The following NOTCH2NLC variants were observed in gnomAD, a reference collection of about 807,000 sequenced individuals.
NOTCH2NLC encodes notch homolog 2 N-terminal-like protein C.
Under a neutral mutation model 17.7 loss-of-function variants are expected in NOTCH2NLC, and 4 were observed. That is an observed-to-expected ratio of 0.23 (90% CI 0.11 to 0.52). The LOEUF is 0.52. NOTCH2NLC is among the 20% of genes least tolerant of loss of function. The pLI, the probability that NOTCH2NLC is intolerant of heterozygous loss-of-function variation, is 0.96. For missense variants in NOTCH2NLC, 57 were observed against 207.2 expected (o/e 0.28, Z 4.45); for synonymous variants, 18 against 86.0 (o/e 0.21, Z 4.38).
chr1:149,468,846 C>G lies in NOTCH2NLC; in HGVS notation c.*4693C>G, dbSNP rs2084701085. ...ACAGGGGTCAGTGAGTTAATCTGGG[C>G]TCATTCAGAGAATGGAAGGTGTGTG... On this transcript the variant is annotated 3_prime_UTR_variant, in exon 5 of 5. Coordinates refer to ENST00000650865, the MANE Select transcript of NOTCH2NLC (RefSeq NM_001364013.2). 7.3e-6 allele frequency among the ~76,000 whole-genome samples: 1 copy of G among 136,396 alleles called. No individual in the cohort carries two copies. Among genetic ancestry groups the G allele is most frequent in the East Asian group, 2.4e-4 (1 of 4,096 alleles). The allele number at this position is 136,396 out of a possible 152,430, so 89.5% of individuals were successfully genotyped here.
At chr1:149,433,265 A>C (rs2101491103) in intron 2 of NOTCH2NLC, among the ~76,000 whole-genome samples, 4 of 118,598 alleles carry the variant, frequency 3.4e-5, no homozygotes, top group South Asian at 3.2e-4. Flanking sequence ...AACATCACAC[A>C]CTGGGGCCTG....
rs2084690696 is a variant in NOTCH2NLC, at chr1:149,467,368, C to A, written c.*3215C>A. The A allele has an allele frequency of 7.0e-6, 1 of 143,454 alleles. No homozygotes were observed. Among genetic ancestry groups the A allele is most frequent in the Admixed American group, 7.2e-5 (1 of 13,826 alleles). The allele number at this position is 143,454 out of a possible 1,614,324, so 8.9% of individuals were successfully genotyped here. Reference sequence around the variant, plus strand: ...TTCCCTGCAAAGGATACTGTAGTCACTGTGAGTATTTTAGTATTACTGTAG... The same window carrying A: ...TTCCCTGCAAAGGATACTGTAGTCAATGTGAGTATTTTAGTATTACTGTAG... On this transcript the variant is annotated 3_prime_UTR_variant, in exon 5 of 5. Transcript: ENST00000650865.
At chr1:149,398,976 GTTTA>G (rs1484330852) in intron 1 of NOTCH2NLC, among the ~76,000 whole-genome samples, 1 of 152,152 alleles carries the variant, frequency 6.6e-6, no homozygotes, top group Non-Finnish European at 1.5e-5. Context: ...TATTATATAT[GTTTA>G]TTCATATGAT....
intron 1 of NOTCH2NLC, among the ~76,000 whole-genome samples, chr1:149,408,532 A>G (rs1176296005): frequency 6.7e-6 from 1 of 149,970 alleles, no homozygotes; most frequent in African/African-American, 2.4e-5. Context: ...ATGTTTTGTT[A>G]TGGTAGTTTT....
intron 1 of NOTCH2NLC, among the ~76,000 whole-genome samples, chr1:149,392,987 G>A (rs1427683231): frequency 6.8e-6 from 1 of 146,444 alleles, no homozygotes; most frequent in African/African-American, 2.5e-5. Flanking sequence ...GGAGAATGGC[G>A]TGAACCCGGG....
rs1425432955 is a variant in NOTCH2NLC, at chr1:149,425,540, C to G, written c.136-5402C>G. 6.0e-4 allele frequency among the ~76,000 whole-genome samples: 90 copies of G among 150,636 alleles called. 4 individuals carry two copies. In the East Asian group the frequency reaches 0.011, roughly 19 times the overall value. ...CTGATCTGGAAGGCCAGCATGGGAGCCTAGACTGGTTAAAGTAAGAAATGG... is the reference window on the plus strand; with the variant it reads ...CTGATCTGGAAGGCCAGCATGGGAGGCTAGACTGGTTAAAGTAAGAAATGG... On this transcript the variant is annotated intron_variant, in intron 1 of 4. Coordinates refer to ENST00000650865, the MANE Select transcript of NOTCH2NLC (RefSeq NM_001364013.2).
At chr1:149,392,966 G>A (rs2084183451) in intron 1 of NOTCH2NLC, among the ~76,000 whole-genome samples, 1 of 148,632 alleles carries the variant, frequency 6.7e-6, no homozygotes. Flanking sequence ...AGCTACTTGG[G>A]AGGCTAAGGC....
In NOTCH2NLC at chr1:149,429,641, C is replaced by T. The variant is rs1437409046; in HGVS notation, c.136-1301C>T. ...AAGGATGGGATGCATTTTCTGTAAA[C>T]ATGTTCTCAAATGATTCTACTACTG... On this transcript the variant is annotated intron_variant, in intron 1 of 4. Transcript: ENST00000650865. Among the ~76,000 whole-genome samples the T allele has an allele frequency of 5.9e-4, 89 of 151,302 alleles. 3 individuals carry two copies. Among genetic ancestry groups the T allele is most frequent in the Admixed American group, 1.4e-3 (21 of 15,172 alleles).
chr1:149,462,231 A>T (rs2084654608), intron 3 of NOTCH2NLC, among the ~76,000 whole-genome samples: 1 of 146,340 alleles, frequency 6.8e-6, no homozygotes, highest in Non-Finnish European at 1.5e-5. Flanking sequence ...TGAATACCAA[A>T]TTTACTAGTT....
chr1:149,402,302 T>A (rs2084250882), intron 1 of NOTCH2NLC, among the ~76,000 whole-genome samples: 1 of 150,774 alleles, frequency 6.6e-6, no homozygotes, highest in Non-Finnish European at 1.5e-5. Flanking sequence ...GCTGGTCTCG[T>A]ACTCCTGACC....
Position 149,454,732 on chromosome 1 carries a change from C to A in NOTCH2NLC, c.210-586C>A, listed in dbSNP as rs1422023362. 1.6e-3 allele frequency among the ~76,000 whole-genome samples: 239 copies of A among 150,886 alleles called. 3 individuals carry two copies. Among genetic ancestry groups the A allele is most frequent in the Middle Eastern group, 0.01 (3 of 288 alleles). ...CTTTTTCTGTTGTAATGTCAGCCACCTGAACATAACCCAGAAAACTAGGTA... is the reference window on the plus strand; with the variant it reads ...CTTTTTCTGTTGTAATGTCAGCCACATGAACATAACCCAGAAAACTAGGTA... On this transcript the variant is annotated intron_variant, in intron 2 of 4. Coordinates refer to ENST00000650865, the MANE Select transcript of NOTCH2NLC (RefSeq NM_001364013.2).
rs2084275942 is a variant in NOTCH2NLC, at chr1:149,407,138, T to C, written c.135+16216T>C. Among the ~76,000 whole-genome samples the C allele has an allele frequency of 3.3e-5, 5 of 151,134 alleles. 1 individual carries two copies. Among genetic ancestry groups the C allele is most frequent in the Admixed American group, 3.3e-4 (5 of 15,178 alleles). On this transcript the variant is annotated intron_variant, in intron 1 of 4. Coordinates refer to ENST00000650865, the MANE Select transcript of NOTCH2NLC (RefSeq NM_001364013.2). ...TTCAGATGAAAGATGAAGAACTCTT[T>C]CAATAAGAAGGAACTGATTTGGTTG... is the stretch of plus-strand genomic sequence containing the variant.
intron 1 of NOTCH2NLC, among the ~76,000 whole-genome samples, chr1:149,391,813 CTTCT>C (rs2084170489): frequency 6.7e-6 from 1 of 148,324 alleles, no homozygotes; most frequent in Non-Finnish European, 1.5e-5. Context: ...CCTTAGAAAG[CTTCT>C]TTATGGTTGG....
At chr1:149,462,613 T>C (rs1336467139) in intron 3 of NOTCH2NLC, among the ~76,000 whole-genome samples, 1 of 145,970 alleles carries the variant, frequency 6.9e-6, no homozygotes, top group Non-Finnish European at 1.5e-5. Flanking sequence ...AAAATATCGA[T>C]ATATTTTATC....
chr1:149,398,364 C>G lies in NOTCH2NLC; in HGVS notation c.135+7442C>G, dbSNP rs1425574481. On this transcript the variant is annotated intron_variant, in intron 1 of 4. Transcript: ENST00000650865. ...CAAGAGAGAGTGCTGTGTTCTTAGT[C>G]CCGAATGCCAAGCCTGAACTAGGAC... Among the ~76,000 whole-genome samples the G allele has an allele frequency of 1.3e-3, 201 of 149,434 alleles. 5 individuals carry two copies. The highest frequency in any genetic ancestry group is 4.6e-3 in the African/African-American group (187 of 40,568).
intron 1 of NOTCH2NLC, among the ~76,000 whole-genome samples, chr1:149,423,742 C>A (rs2084393914): frequency 6.7e-6 from 1 of 148,274 alleles, no homozygotes; most frequent in Admixed American, 6.7e-5. Context: ...ACAGTCAAGA[C>A]ATTAAAATAC....
At chr1:149,423,241 T>C (rs1188967027) in intron 1 of NOTCH2NLC, among the ~76,000 whole-genome samples, 6 of 150,346 alleles carry the variant, frequency 4.0e-5, no homozygotes, top group Non-Finnish European at 5.9e-5. Flanking sequence ...CTTATTGCTT[T>C]TTTTTGGGTT....
Position 149,390,778 on chromosome 1 carries a change from C to G in NOTCH2NLC, c.-10C>G. ...AGAGAGTGGGGCTCCTCTATCGGGA[C>G]CCCCTCCCCATGTGGATCTGCCCAG... is the stretch of plus-strand genomic sequence containing the variant. On this transcript the variant is annotated 5_prime_UTR_variant, in exon 1 of 5. Coordinates refer to ENST00000650865, the MANE Select transcript of NOTCH2NLC (RefSeq NM_001364013.2). The G allele has an allele frequency of 1.7e-6, 2 of 1,183,698 alleles. No homozygotes were observed. The highest frequency in any genetic ancestry group is 1.1e-6 in the Non-Finnish European group (1 of 939,362). 73.3% of individuals were successfully genotyped at this position (1,183,698 alleles called of 1,614,324 possible). A position where few individuals can be genotyped will look rare whatever the true frequency, so the allele number is the denominator to read the frequency against.
chr1:149,409,359 A>T (rs1329952760), intron 1 of NOTCH2NLC, among the ~76,000 whole-genome samples: 6 of 149,710 alleles, frequency 4.0e-5, no homozygotes, highest in African/African-American at 1.5e-4. Context: ...TGTTGGGAGG[A>T]GGAATAGACC....
Sources: gnomAD v4.1 joint callset for allele counts (sites outside exome capture counted in the v4.1 genomes callset) on GRCh38, gnomAD v4.1.1 for gene constraint, MANE v1.5 for transcripts, NCBI Gene and HGNC (gene_info 2026-07-23, HGNC 2026-07-21) for gene names.